Variants in SLC44A5 observed in about 807,000 individuals in gnomAD.
The protein encoded by SLC44A5 is solute carrier family 44 member 5.
In SLC44A5, 57 loss-of-function variants were observed where a neutral mutation model predicts 101.8. The ratio of observed to expected loss-of-function variants is 0.56; its 90% CI spans 0.45 to 0.70. The LOEUF is 0.70. Ranked by LOEUF, SLC44A5 falls within the 30% of genes least tolerant of loss-of-function variation. The probability of loss-of-function intolerance (pLI) is 0.00; values close to 1 mark genes in which losing one functional copy is unlikely to be tolerated. For missense variants in SLC44A5, 737 were observed against 853.1 expected (o/e 0.86, Z 1.70); for synonymous variants, 281 against 290.9 (o/e 0.97, Z 0.35).
intron 23 of SLC44A5, among the ~76,000 whole-genome samples, chr1:75,208,489 G>T (rs1646791457): frequency 6.6e-6 from 1 of 152,158 alleles, no homozygotes; most frequent in South Asian, 2.1e-4. Flanking sequence ...AAATTGTGAA[G>T]AAGAAAAAAG....
At chr1:75,472,552 A>G (rs1667169088) in intron 2 of SLC44A5, among the ~76,000 whole-genome samples, 1 of 152,224 alleles carries the variant, frequency 6.6e-6, no homozygotes, top group Non-Finnish European at 1.5e-5. Context: ...TGCGCTGTGA[A>G]GTGAGATATC....
chr1:75,482,153 A>T (rs925501873), intron 2 of SLC44A5, among the ~76,000 whole-genome samples: 2 of 152,076 alleles, frequency 1.3e-5, no homozygotes, highest in Non-Finnish European at 2.9e-5. Context: ...CATCATTCTC[A>T]GTAAACTATC....
intron 16 of SLC44A5, 52 bp downstream of exon 16, chr1:75,219,205 G>C (rs1647025031): frequency 2.5e-6 from 3 of 1,218,798 alleles, no homozygotes; most frequent in Non-Finnish European, 2.4e-6. Flanking sequence ...AAAATGAATT[G>C]CAGCAGAAGT....
intron 2 of SLC44A5, among the ~76,000 whole-genome samples, chr1:75,447,042 C>T (rs991047785): frequency 5.9e-5 from 9 of 152,070 alleles, no homozygotes; most frequent in Non-Finnish European, 4.4e-5. Context: ...GGAAGGTACC[C>T]GGTGCTGATG....
At chr1:75,410,523 A>T (rs1241458451) in intron 2 of SLC44A5, among the ~76,000 whole-genome samples, 2 of 152,176 alleles carry the variant, frequency 1.3e-5, no homozygotes, top group Non-Finnish European at 2.9e-5. Context: ...CTAGGAGATC[A>T]TATCTTTTGT....
At chr1:75,680,680 C>A in the SLC44A5 span, among the ~76,000 whole-genome samples, 1 of 150,814 alleles carries the variant, frequency 6.6e-6, no homozygotes, top group African/African-American at 2.4e-5. Context: ...AAATTGACAC[C>A]CTAACATCAC....
intron 1 of SLC44A5, among the ~76,000 whole-genome samples, chr1:75,578,266 TTAAA>T (rs1349943185): frequency 1.3e-5 from 2 of 152,234 alleles, no homozygotes; most frequent in African/African-American, 4.8e-5. Context: ...CTAATTGAGT[TTAAA>T]TAAATAGTTA....
chr1:75,686,107 A>G, the SLC44A5 span, among the ~76,000 whole-genome samples: 12 of 152,184 alleles, frequency 7.9e-5, no homozygotes, highest in African/African-American at 2.7e-4. Flanking sequence ...CCCATGGTTC[A>G]ATTACCTCTC....
At chr1:75,252,070 C>T (rs557057582) in intron 6 of SLC44A5, among the ~76,000 whole-genome samples, 26 of 152,232 alleles carry the variant, frequency 1.7e-4, no homozygotes, top group African/African-American at 6.0e-4. Context: ...ACAAGGAAAA[C>T]CCGAAGTGTT....
chr1:75,541,797 C>T (rs1022566741), intron 1 of SLC44A5, among the ~76,000 whole-genome samples: 2 of 152,238 alleles, frequency 1.3e-5, no homozygotes, highest in East Asian at 1.9e-4. Context: ...TCACACTTCA[C>T]GTTCCCCCTG....
At position 75,239,289 on chromosome 1, in the gene SLC44A5, G is replaced by A. The variant is rs1028116210; in HGVS notation, c.533-653C>T. On this transcript the variant is annotated intron_variant, in intron 9 of 23. Coordinates refer to ENST00000370859, the MANE Select transcript of SLC44A5 (RefSeq NM_001130058.2). ...GTAAAATCACTGTTCAATCTTCTAT[G>A]TTCTTATTTTGATTGGAGTCTTTGC... Among the ~76,000 whole-genome samples, 50 of 151,960 alleles carry A rather than the reference G, an allele frequency of 3.3e-4. 1 individual carries two copies. The highest frequency in any genetic ancestry group is 4.6e-4 in the Admixed American group (7 of 15,236).
At chr1:75,392,585 G>A (rs1661863400) in intron 3 of SLC44A5, among the ~76,000 whole-genome samples, 1 of 152,174 alleles carries the variant, frequency 6.6e-6, no homozygotes, top group African/African-American at 2.4e-5. Flanking sequence ...ACTGTGGAAA[G>A]CAGTTTGGAG....
intron 5 of SLC44A5, among the ~76,000 whole-genome samples, chr1:75,278,688 CA>C (rs765877389): frequency 5.3e-4 from 81 of 152,252 alleles, no homozygotes; most frequent in East Asian, 3.9e-3. Flanking sequence ...CAAGTGCTTA[CA>C]CCTACAGGTA....
chr1:75,706,543 T>C, the SLC44A5 span, among the ~76,000 whole-genome samples: 4 of 152,162 alleles, frequency 2.6e-5, no homozygotes, highest in African/African-American at 9.6e-5. Context: ...CCTAGTGTGA[T>C]TGTAAATTTG....
intron 13 of SLC44A5, 147 bp downstream of exon 13, chr1:75,227,579 G>A (rs928202903): frequency 1.9e-6 from 1 of 523,030 alleles, no homozygotes; most frequent in African/African-American, 2.0e-5. Context: ...TCCACTTACT[G>A]TAGTTAGAGG....
At chr1:75,389,737 T>TA (rs1201196415) in intron 3 of SLC44A5, among the ~76,000 whole-genome samples, 4 of 152,112 alleles carry the variant, frequency 2.6e-5, no homozygotes, top group African/African-American at 4.8e-5. Flanking sequence ...AACAATCTAA[T>TA]ATCACACTTA....
chr1:75,311,929 T>C (rs922335695), intron 4 of SLC44A5, among the ~76,000 whole-genome samples: 1 of 152,140 alleles, frequency 6.6e-6, no homozygotes, highest in Non-Finnish European at 1.5e-5. Flanking sequence ...CCAGGGTATG[T>C]CCTGGGAGCT....
intron 2 of SLC44A5, among the ~76,000 whole-genome samples, chr1:75,518,802 A>T (rs1669968387): frequency 6.6e-6 from 1 of 152,194 alleles, no homozygotes. Context: ...GACTAGGAAA[A>T]TCAACAGAGA....
At chr1:75,483,271 C>A (rs1667971885) in intron 2 of SLC44A5, among the ~76,000 whole-genome samples, 1 of 152,082 alleles carries the variant, frequency 6.6e-6, no homozygotes. Context: ...AAGAGGTGAG[C>A]AAAGCTTTGT....
Sources: allele counts gnomAD v4.1 joint callset (sites outside exome capture counted in the v4.1 genomes callset), GRCh38; gene constraint gnomAD v4.1.1; transcripts MANE v1.5; gene names NCBI Gene and HGNC (gene_info 2026-07-23, HGNC 2026-07-21).